The following BPGM variants were observed in gnomAD, a reference collection of about 807,000 sequenced individuals.
The protein encoded by BPGM is 2,3-bisphosphoglycerate mutase, erythrocyte.
Under a neutral mutation model 21.6 loss-of-function variants are expected in BPGM, and 15 were observed. That is an observed-to-expected ratio of 0.70 (90% CI 0.47 to 1.07). BPGM has a LOEUF of 1.07. BPGM is among the 50% of genes least tolerant of loss of function. The pLI, the probability that BPGM is intolerant of heterozygous loss-of-function variation, is 0.00. For synonymous variants in BPGM, 113 were observed against 116.2 expected (o/e 0.97, Z 0.18); for missense variants, 273 against 319.0 (o/e 0.86, Z 1.10).
At chr7:134,662,141 G>A (rs777431866) in intron 2 of BPGM, 33 bp downstream of exon 2, 1 of 1,612,942 alleles carries the variant, frequency 6.2e-7, no homozygotes, top group South Asian at 1.1e-5. Context: ...ATTAGAGGTT[G>A]CCAAGTGTGA....
At chr7:134,660,936 T>C (rs965767179) in intron 1 of BPGM, among the ~76,000 whole-genome samples, 4 of 152,220 alleles carry the variant, frequency 2.6e-5, no homozygotes, top group Non-Finnish European at 4.4e-5. Context: ...ATATCAGATA[T>C]ATGCAGTGGT....
rs1487053772 is a variant in BPGM, at chr7:134,679,330, G to T, written c.*299G>T. On this transcript the variant is annotated 3_prime_UTR_variant, in exon 3 of 3. Transcript: ENST00000344924. ...AGATGGGAGAGCAACAAGTAGAGAT[G>T]AAGTTAAAGGTATTTATCATTCAAG... 4 of 391,070 alleles carry T rather than the reference G, an allele frequency of 1.0e-5. No individual in the cohort carries two copies. In the East Asian group the frequency reaches 2.1e-4, roughly 20 times the overall value. 24.2% of individuals were successfully genotyped at this position (391,070 alleles called of 1,614,324 possible).
At position 134,661,384 on chromosome 7, in the gene BPGM, G is replaced by A. The variant is rs377055000; in HGVS notation, c.-61-63G>A. ...TTTTAGAAATTGGGTGTTGTAAAGC[G>A]ATGTTTCTATTCCTAGATTGTCAGT... On this transcript the variant is annotated intron_variant, in intron 1 of 2. Coordinates refer to ENST00000344924, the MANE Select transcript of BPGM (RefSeq NM_001724.5). The surrounding 1 kb of genome is among the most constrained non-coding windows in gnomAD (Gnocchi z 4.6). The A allele has an allele frequency of 2.4e-3, 3,424 of 1,418,722 alleles. 6 individuals carry two copies. The highest frequency in any genetic ancestry group is 2.9e-3 in the Middle Eastern group (13 of 4,538). 87.9% of individuals were successfully genotyped at this position (1,418,722 alleles called of 1,614,324 possible).
intron 2 of BPGM, among the ~76,000 whole-genome samples, chr7:134,671,208 A>G (rs1350980969): frequency 6.6e-6 from 1 of 152,116 alleles, no homozygotes; most frequent in Non-Finnish European, 1.5e-5. Context: ...GGTACAAGGG[A>G]TATAGCACCT....
At chr7:134,672,969 T>TA (rs1282333599) in intron 2 of BPGM, among the ~76,000 whole-genome samples, 1 of 152,092 alleles carries the variant, frequency 6.6e-6, no homozygotes, top group Non-Finnish European at 1.5e-5. Flanking sequence ...GGTCAGGAGA[T>TA]AGAGACCATC....
intron 1 of BPGM, among the ~76,000 whole-genome samples, chr7:134,659,030 A>G (rs943822092): frequency 1.3e-5 from 2 of 152,030 alleles, no homozygotes; most frequent in East Asian, 1.9e-4. Context: ...TCCCCTTGAT[A>G]TAGTTTATAA....
chr7:134,676,657 A>C, intron 2 of BPGM, among the ~76,000 whole-genome samples: 1 of 152,220 alleles, frequency 6.6e-6, no homozygotes, highest in Non-Finnish European at 1.5e-5. Context: ...AAATGAAAAA[A>C]TAGTTCATTG....
intron 2 of BPGM, among the ~76,000 whole-genome samples, chr7:134,669,658 A>G (rs1299760687): frequency 1.3e-5 from 2 of 152,178 alleles, no homozygotes; most frequent in Admixed American, 6.5e-5. Flanking sequence ...GCTGATGGGG[A>G]TGACCTCTCC....
rs147518164 is a variant in BPGM, at chr7:134,649,755, A to T, written c.-62+2818A>T. On this transcript the variant is annotated intron_variant, in intron 1 of 2. Coordinates refer to ENST00000344924, the MANE Select transcript of BPGM (RefSeq NM_001724.5). ...TGGTAAGCTTCTGAGACTGTATCTT[A>T]CCATCACCTTCTTCCATCCCACAAT... Among the ~76,000 whole-genome samples, 985 of 152,344 alleles carry T rather than the reference A, an allele frequency of 6.5e-3. 7 individuals are homozygous for T. The highest frequency in any genetic ancestry group is 0.01 in the Non-Finnish European group (694 of 68,026).
chr7:134,675,041 A>G (rs1342661341), intron 2 of BPGM, among the ~76,000 whole-genome samples: 1 of 152,036 alleles, frequency 6.6e-6, no homozygotes, highest in Non-Finnish European at 1.5e-5. Context: ...TTATGTACTT[A>G]TTGACCTTTT....
At chr7:134,647,883 C>G (rs1269302259) in intron 1 of BPGM, among the ~76,000 whole-genome samples, 1 of 152,130 alleles carries the variant, frequency 6.6e-6, no homozygotes, top group Non-Finnish European at 1.5e-5. Context: ...CTGCAACCTC[C>G]GCCTACCGGG....
rs1462224765 is a variant in BPGM, at chr7:134,661,841, G to A, written c.334G>A (p.Val112Met). 2 of 1,608,898 alleles carry A rather than the reference G, an allele frequency of 1.2e-6. No homozygotes were observed. Among genetic ancestry groups the A allele is most frequent in the Admixed American group, 3.4e-5 (2 of 59,576 alleles). ...GGCTTTGAATCATGGTGAAGAACAA[G>A]TGAGGCTCTGGAGAAGAAGCTACAA... is the stretch of plus-strand genomic sequence containing the variant. Reference protein sequence around the residue: ...QMALNHGEEQVRLWRRSYNVT... With the variant: ...QMALNHGEEQMRLWRRSYNVT... The change falls in exon 2 of 3, where the codon GTG (valine) becomes ATG (methionine). Residue 112 changes from valine to methionine, a missense_variant. Val to Met is a conservative substitution (Grantham distance 21, BLOSUM62 1). Coordinates refer to ENST00000344924, the MANE Select transcript of BPGM (RefSeq NM_001724.5). This position sits in a 1 kb window ranked among gnomAD's most constrained non-coding sequence, Gnocchi z 4.6.
rs145982146 is a variant in BPGM at position 134,661,993 on chromosome 7, G to A, written c.486G>A (p.Leu162=). ...GGTCGGAAAGCTTAAAGGATGTTCTGGAGAGACTCCTTCCCTATTGGAATG... is the reference window on the plus strand; with the variant it reads ...GGTCGGAAAGCTTAAAGGATGTTCTAGAGAGACTCCTTCCCTATTGGAATG... ...LPRSESLKDV[L]ERLLPYWNER... is the part of the protein sequence containing the mutation. The change falls in exon 2 of 3, where the codon CTG becomes CTA. Residue 162 remains leucine (L), a synonymous_variant. Transcript: ENST00000344924. This position sits in a 1 kb window ranked among gnomAD's most constrained non-coding sequence, Gnocchi z 4.6. 2,740 of 1,614,154 alleles carry A rather than the reference G, an allele frequency of 1.7e-3. 1 individual carries two copies. The highest frequency in any genetic ancestry group is 2.2e-3 in the Non-Finnish European group (2,585 of 1,180,022).
chr7:134,651,654 C>A (rs1795556769), intron 1 of BPGM, among the ~76,000 whole-genome samples: 1 of 152,076 alleles, frequency 6.6e-6, no homozygotes, highest in African/African-American at 2.4e-5. Flanking sequence ...TACATCACTC[C>A]CCTATCTACA....
At chr7:134,674,060 C>T (rs1795948364) in intron 2 of BPGM, among the ~76,000 whole-genome samples, 1 of 151,790 alleles carries the variant, frequency 6.6e-6, no homozygotes, top group Admixed American at 6.6e-5. Flanking sequence ...TTACAGGCGT[C>T]CACCACCACG....
chr7:134,675,368 T>C lies in BPGM; in HGVS notation c.602-3485T>C, dbSNP rs773611135. Among the ~76,000 whole-genome samples the C allele has an allele frequency of 3.2e-4, 49 of 152,290 alleles. No individual in the cohort carries two copies. The Middle Eastern group carries it at 0.01, about 32-fold the overall frequency. On this transcript the variant is annotated intron_variant, in intron 2 of 2. Coordinates refer to ENST00000344924, the MANE Select transcript of BPGM (RefSeq NM_001724.5). ...ACTCCTATGGCTTTTTTTCTAAAAA[T>C]TTTTACAATTTTAGCTCTTGACTCT...
At chr7:134,678,818 T>C in intron 2 of BPGM, 35 bp from the exon 3 acceptor site, 1 of 1,593,026 alleles carries the variant, frequency 6.3e-7, no homozygotes, top group Non-Finnish European at 8.6e-7. Context: ...TGAGTTGTGT[T>C]TTAACACCTG....
intron 2 of BPGM, among the ~76,000 whole-genome samples, chr7:134,668,312 T>A (rs1795850301): frequency 6.6e-6 from 1 of 152,120 alleles, no homozygotes; most frequent in Admixed American, 6.6e-5. Context: ...CACACAGTTA[T>A]CACCTGGGCT....
At chr7:134,656,254 G>A (rs1303803420) in intron 1 of BPGM, among the ~76,000 whole-genome samples, 5 of 152,172 alleles carry the variant, frequency 3.3e-5, no homozygotes, top group Non-Finnish European at 4.4e-5. Context: ...GATCTAGTGC[G>A]GTAGCCACTG....
Sources: allele counts gnomAD v4.1 joint callset (sites outside exome capture counted in the v4.1 genomes callset), GRCh38; gene constraint gnomAD v4.1.1; non-coding constraint Gnocchi (gnomAD v3.1); transcripts MANE v1.5; gene names NCBI Gene and HGNC (gene_info 2026-07-23, HGNC 2026-07-21).